The following SUGCT variants were observed in gnomAD, a reference collection of about 807,000 sequenced individuals.
SUGCT encodes the protein succinyl-CoA:glutarate CoA-transferase.
SUGCT carries 41 observed loss-of-function variants against 55.0 expected under a neutral mutation model. That is an observed-to-expected ratio of 0.74 (90% CI 0.58 to 0.97). The LOEUF (loss-of-function observed/expected upper bound fraction) is 0.97, where lower values mean the gene tolerates loss of function less well. Ranked by LOEUF, SUGCT falls within the 50% of genes least tolerant of loss-of-function variation. The probability of loss-of-function intolerance (pLI) is 0.00; values close to 1 mark genes in which losing one functional copy is unlikely to be tolerated. For missense variants in SUGCT, 568 were observed against 547.8 expected (o/e 1.04, Z -0.37); for synonymous variants, 187 against 200.4 (o/e 0.93, Z 0.56).
chr7:40,377,231 TTCC>T (rs1784641457), intron 9 of SUGCT, among the ~76,000 whole-genome samples: 1 of 19,588 alleles, frequency 5.1e-5, no homozygotes, highest in African/African-American at 1.2e-4. Flanking sequence ...TCTTTCTTTC[TTCC>T]CTTCCTTCCT....
the SUGCT span, among the ~76,000 whole-genome samples, chr7:40,901,383 G>A: frequency 6.6e-6 from 1 of 152,138 alleles, no homozygotes; most frequent in Admixed American, 6.5e-5. Context: ...TCAACTTATG[G>A]GGAATTTCCC....
chr7:40,481,110 G>T (rs1369054581), intron 11 of SUGCT, among the ~76,000 whole-genome samples: 1 of 152,068 alleles, frequency 6.6e-6, no homozygotes, highest in Non-Finnish European at 1.5e-5. Flanking sequence ...AAGCCAGGAG[G>T]ATTGCTTGAA....
intron 9 of SUGCT, among the ~76,000 whole-genome samples, chr7:40,401,142 A>G (rs958961619): frequency 6.6e-6 from 1 of 152,196 alleles, no homozygotes; most frequent in Admixed American, 6.5e-5. Flanking sequence ...AATAGCCTGT[A>G]TCTCATAAAG....
intron 12 of SUGCT, among the ~76,000 whole-genome samples, chr7:40,677,633 A>G (rs1474007615): frequency 6.6e-6 from 1 of 152,208 alleles, no homozygotes; most frequent in Admixed American, 6.5e-5. Flanking sequence ...CTCACTGGTC[A>G]GAACGAGTTC....
At chr7:40,684,599 T>C (rs940889287) in intron 12 of SUGCT, among the ~76,000 whole-genome samples, 1 of 152,194 alleles carries the variant, frequency 6.6e-6, no homozygotes, top group Non-Finnish European at 1.5e-5. Flanking sequence ...ATAATACAGT[T>C]AATACCATTT....
the SUGCT span, among the ~76,000 whole-genome samples, chr7:40,897,996 A>C: frequency 6.6e-6 from 1 of 152,186 alleles, no homozygotes; most frequent in Non-Finnish European, 1.5e-5. Context: ...CCACCCGCTC[A>C]GGTTCCCTTC....
intron 12 of SUGCT, among the ~76,000 whole-genome samples, chr7:40,709,264 C>G (rs922609609): frequency 1.3e-5 from 2 of 152,192 alleles, no homozygotes; most frequent in Admixed American, 1.3e-4. Flanking sequence ...AATAACTAGC[C>G]CCATCCATTA....
At chr7:40,517,260 T>G (rs1793293918) in intron 12 of SUGCT, among the ~76,000 whole-genome samples, 1 of 151,992 alleles carries the variant, frequency 6.6e-6, no homozygotes, top group Non-Finnish European at 1.5e-5. Context: ...TCCTTAGGAT[T>G]TTTTAAATGT....
At chr7:40,585,044 GA>G (rs1797303636) in intron 12 of SUGCT, among the ~76,000 whole-genome samples, 2 of 152,190 alleles carry the variant, frequency 1.3e-5, no homozygotes, top group African/African-American at 4.8e-5. Context: ...ATAGTTCTCA[GA>G]ATCCTCCTTG....
At position 40,544,132 on chromosome 7, in the gene SUGCT, GTT is replaced by G. The variant is rs36008782; in HGVS notation, c.1089+47762_1089+47763del. On this transcript the variant is annotated intron_variant, in intron 12 of 13. Coordinates refer to ENST00000335693, the MANE Select transcript of SUGCT (RefSeq NM_001193313.2). ...TACTTGGCTTGGGTGAAGGTGGGAG[GTT>G]TTTTTTTTTTTTTTTAGGGCAGTTT... 9.2e-3 allele frequency among the ~76,000 whole-genome samples: 1,270 copies of G among 137,368 alleles called. 8 individuals carry two copies. The highest frequency in any genetic ancestry group is 0.023 in the South Asian group (99 of 4,254). The allele number at this position is 137,368 out of a possible 152,430, so 90.1% of individuals were successfully genotyped here.
chr7:40,184,288 TA>T (rs1229252406), intron 3 of SUGCT, among the ~76,000 whole-genome samples: 4 of 152,144 alleles, frequency 2.6e-5, no homozygotes, highest in Admixed American at 6.6e-5. Context: ...TGTTTTATTT[TA>T]TTTTTTTTTG....
intron 12 of SUGCT, among the ~76,000 whole-genome samples, chr7:40,747,585 C>T (rs918582685): frequency 1.3e-5 from 2 of 152,154 alleles, no homozygotes; most frequent in East Asian, 1.9e-4. Flanking sequence ...GGCATGAAAT[C>T]GTGGTCTGTA....
chr7:40,229,812 C>CAA (rs771471649), intron 6 of SUGCT, among the ~76,000 whole-genome samples: 81 of 60,596 alleles, frequency 1.3e-3, no homozygotes, highest in South Asian at 3.4e-3. Context: ...GACTCTGTCT[C>CAA]AAAAAAAAAA....
At chr7:40,337,629 A>G (rs962352546) in intron 9 of SUGCT, among the ~76,000 whole-genome samples, 1 of 151,544 alleles carries the variant, frequency 6.6e-6, no homozygotes, top group African/African-American at 2.4e-5. Flanking sequence ...CTTTGTTTTG[A>G]GTCTATGTGT....
At chr7:40,846,712 T>C (rs1244804257) in intron 13 of SUGCT, among the ~76,000 whole-genome samples, 2 of 152,238 alleles carry the variant, frequency 1.3e-5, no homozygotes, top group East Asian at 3.9e-4. Context: ...GAATGGTATT[T>C]ATCCAGCCAC....
At position 40,274,639 on chromosome 7, in the gene SUGCT, A is replaced by T. The variant is rs745995132; in HGVS notation, c.703A>T (p.Asn235Tyr). 6.2e-7 allele frequency: 1 copy of T among 1,613,598 alleles called. No individual in the cohort carries two copies. The highest frequency in any genetic ancestry group is 8.5e-7 in the Non-Finnish European group (1 of 1,179,642). The change falls in exon 8 of 14, where the codon AAC (asparagine) becomes TAC (tyrosine). Residue 235 changes from asparagine (N) to tyrosine (Y), a missense_variant. Coordinates refer to ENST00000335693, the MANE Select transcript of SUGCT (RefSeq NM_001193313.2). Reference sequence around the variant, plus strand: ...TGGGAAAGGACTGTTCATTGATTGTAACCTACTGTCATCCCAGGTAACAAT... The same window carrying T: ...TGGGAAAGGACTGTTCATTGATTGTTACCTACTGTCATCCCAGGTAACAAT... ...KTGKGLFIDC[N>Y]LLSSQVACLS...
rs369865162 is a variant in SUGCT, at chr7:40,430,498, T to G, written c.817-18789T>G. The stretch of plus-strand genomic sequence containing the variant: ...GAAATACCTGTTCAAGCTTTTTGCC[T>G]TCTAAAAATCAGGTTGTTTTCCATT... On this transcript the variant is annotated intron_variant, in intron 9 of 13. Transcript: ENST00000335693. Among the ~76,000 whole-genome samples, 68 of 152,308 alleles carry G rather than the reference T, an allele frequency of 4.5e-4. No homozygotes were observed. In the East Asian group the frequency reaches 0.012, roughly 27 times the overall value.
chr7:40,577,697 TCC>T (rs1328291067), intron 12 of SUGCT, among the ~76,000 whole-genome samples: 1 of 152,166 alleles, frequency 6.6e-6, no homozygotes, highest in Non-Finnish European at 1.5e-5. Flanking sequence ...CATTTTGGGC[TCC>T]CTCCTTTCTG....
chr7:40,153,417 G>A, intron 1 of SUGCT: 2 of 370,398 alleles, frequency 5.4e-6, no homozygotes, highest in Non-Finnish European at 1.1e-5. Context: ...CCAATTTGAT[G>A]TTGCGATTCT....
Sources: gnomAD v4.1 joint callset for allele counts (sites outside exome capture counted in the v4.1 genomes callset) on GRCh38, gnomAD v4.1.1 for gene constraint, MANE v1.5 for transcripts, NCBI Gene and HGNC (gene_info 2026-07-23, HGNC 2026-07-21) for gene names.